ARFRP1: variants seen among roughly 807,000 people sequenced by gnomAD.
ARFRP1 encodes ARF related protein 1.
A neutral mutation model predicts 30.3 loss-of-function variants in ARFRP1; 19 were observed. The observed-to-expected ratio is 0.63, with a 90% confidence interval of 0.44 to 0.92. ARFRP1 has a LOEUF of 0.92. Among genes scored for constraint, ARFRP1 ranks in the 40% least tolerant of loss-of-function variants. The pLI is 0.00. For missense variants in ARFRP1, 245 were observed against 267.5 expected (o/e 0.92, Z 0.59); for synonymous variants, 133 against 114.2 (o/e 1.16, Z -1.05).
Position 63,706,750 on chromosome 20 carries a change from G to T in ARFRP1, c.94-12C>A, listed in dbSNP as rs758815273. ...TGCTCCAGGAAGGTCTGAGGAGAGA[G>T]GCAGAGGCGAAACACATCAAGGAGG... On this transcript the variant is annotated splice_polypyrimidine_tract_variant and intron_variant, in intron 2 of 7. Coordinates refer to ENST00000622789, the MANE Select transcript of ARFRP1 (RefSeq NM_001267547.3). The T allele has an allele frequency of 1.3e-6, 2 of 1,596,856 alleles. No individual in the cohort carries two copies. The highest frequency in any genetic ancestry group is 1.7e-6 in the Non-Finnish European group (2 of 1,164,456).
chr20:63,702,256 C>A, intron 4 of ARFRP1, 39 bp from the exon 5 acceptor site: 1 of 1,580,028 alleles, frequency 6.3e-7, no homozygotes, highest in East Asian at 2.2e-5. Context: ...CAGTCCCCAC[C>A]CTGCCAAGGG....
chr20:63,700,746 C>T, intron 6 of ARFRP1, 44 bp from the exon 7 acceptor site: 1 of 1,595,418 alleles, frequency 6.3e-7, no homozygotes, highest in Non-Finnish European at 8.5e-7. Flanking sequence ...ACGTCTGGCC[C>T]TGTCCTGCCT....
At chr20:63,702,044 G>T in intron 5 of ARFRP1, 92 bp downstream of exon 5, 1 of 949,424 alleles carries the variant, frequency 1.1e-6, no homozygotes, top group South Asian at 1.3e-5. Context: ...CTTCTGACCA[G>T]ACACTGAGCC....
chr20:63,702,126 C>T lies in ARFRP1; in HGVS notation c.346+10G>A, dbSNP rs748148346. On this transcript the variant is annotated intron_variant, in intron 5 of 7. Transcript: ENST00000622789. ...ATCCATCCCTCCCAGAGCAGCCAGG[C>T]CGCACTCACCAAACGCCTGCTTGGA... 264 of 1,609,662 alleles carry T rather than the reference C, an allele frequency of 1.6e-4. No individual in the cohort carries two copies. The highest frequency in any genetic ancestry group is 2.1e-4 in the Non-Finnish European group (242 of 1,179,108).
intron 4 of ARFRP1, chr20:63,703,728 T>G (rs1341919541): frequency 1.3e-5 from 2 of 152,240 alleles, no homozygotes; most frequent in Non-Finnish European, 2.9e-5. Flanking sequence ...AAGGTTCATG[T>G]GCAACCGGGT....
At position 63,700,087 on chromosome 20, in the gene ARFRP1, G is replaced by T; in HGVS notation, c.*356C>A. ...GGAGACAGCCACGGGGTCTCCCGAG[G>T]GTCCCACAGGGCTGTCCTCATGCAG... On this transcript the variant is annotated 3_prime_UTR_variant, in exon 8 of 8. Transcript: ENST00000622789. The T allele has an allele frequency of 3.0e-6, 1 of 332,946 alleles. No individual in the cohort carries two copies. 20.6% of individuals were successfully genotyped at this position (332,946 alleles called of 1,614,324 possible). A position where few individuals can be genotyped will look rare whatever the true frequency, so the allele number is the denominator to read the frequency against.
At chr20:63,706,260 G>T in intron 4 of ARFRP1, 97 bp downstream of exon 4, 1 of 1,138,804 alleles carries the variant, frequency 8.8e-7, no homozygotes, top group Non-Finnish European at 1.3e-6. Flanking sequence ...GGACAGAGTG[G>T]GTAAGGAAAA....
chr20:63,707,318 G>T lies in ARFRP1; in HGVS notation c.-6-221C>A. On this transcript the variant is annotated intron_variant, in intron 1 of 7. Coordinates refer to ENST00000622789, the MANE Select transcript of ARFRP1 (RefSeq NM_001267547.3). The stretch of plus-strand genomic sequence containing the variant: ...TCACAGCAATGACTGCGACCTCTCC[G>T]CATACACATCGGTTCCGGCCCCTCC... The T allele has an allele frequency of 1.3e-5, 7 of 545,336 alleles. 1 individual carries two copies. In the South Asian group the frequency reaches 1.6e-4, roughly 12 times the overall value. The allele number at this position is 545,336 out of a possible 1,614,324, so 33.8% of individuals were successfully genotyped here.
intron 4 of ARFRP1, chr20:63,705,708 G>A (rs868633268): frequency 1.9e-6 from 1 of 533,234 alleles, no homozygotes; most frequent in Non-Finnish European, 3.8e-6. Context: ...GTGGTGGTCA[G>A]CAGCAAGGTC....
intron 1 of ARFRP1, chr20:63,707,430 C>A: frequency 4.3e-6 from 1 of 230,010 alleles, no homozygotes; most frequent in East Asian, 1.0e-4. Flanking sequence ...CCACGCTTCA[C>A]GCGCGCGGAA....
rs758255944 is a variant in ARFRP1, at chr20:63,702,184, T to A, written c.298A>T (p.Ile100Phe). The A allele has an allele frequency of 6.2e-7, 1 of 1,611,898 alleles. No homozygotes were observed. Among genetic ancestry groups the A allele is most frequent in the Admixed American group, 1.7e-5 (1 of 59,982 alleles). The change falls in exon 5 of 8, where the codon ATT (isoleucine) becomes TTT (phenylalanine). Residue 100 changes from isoleucine (I) to phenylalanine (F), a missense_variant. Coordinates refer to ENST00000622789, the MANE Select transcript of ARFRP1 (RefSeq NM_001267547.3). Reference protein sequence around the residue: ...YAECHGVIYVIDSTDEERLAE... With the variant: ...YAECHGVIYVFDSTDEERLAE... ...AGCCTCTCCTCGTCGGTGGAGTCAA[T>A]GACGTAGATGACGCCGTGACACTCC...
At position 63,701,749 on chromosome 20, in the gene ARFRP1, C is replaced by T. The variant is rs1601242333; in HGVS notation, c.417+81G>A. 4 of 1,346,232 alleles carry T rather than the reference C, an allele frequency of 3.0e-6. No homozygotes were observed. In the East Asian group the frequency reaches 1.0e-4, roughly 34 times the overall value. The allele number at this position is 1,346,232 out of a possible 1,614,324, so 83.4% of individuals were successfully genotyped here. On this transcript the variant is annotated intron_variant, in intron 6 of 7. Transcript: ENST00000622789. ...TGGGCAGTCACTGGGCCTGGGGTGT[C>T]TGGGTGCACACCTGCTCCCCTTGCT...
intron 6 of ARFRP1, 159 bp downstream of exon 6, chr20:63,701,671 G>A (rs1173761583): frequency 7.3e-6 from 5 of 688,748 alleles, no homozygotes; most frequent in South Asian, 5.5e-5. Flanking sequence ...GAGGAACCAG[G>A]CTTGGGAAGC....
intron 4 of ARFRP1, chr20:63,703,437 A>G (rs1286533562): frequency 2.0e-5 from 3 of 146,884 alleles, no homozygotes; most frequent in African/African-American, 7.5e-5. Flanking sequence ...AACTTCCCAC[A>G]GTGGAGAGGA....
Position 63,698,730 on chromosome 20 carries a change from G to A in ARFRP1, c.*1713C>T, listed in dbSNP as rs1411663219. On this transcript the variant is annotated 3_prime_UTR_variant, in exon 8 of 8. Coordinates refer to ENST00000622789, the MANE Select transcript of ARFRP1 (RefSeq NM_001267547.3). ...ACTGGGAGGGCAGCCGGGGACACCT[G>A]AGCCGCCCGCTGTGCCCAGATCCCT... is the stretch of plus-strand genomic sequence containing the variant. The A allele has an allele frequency of 1.2e-6, 1 of 817,594 alleles. No individual in the cohort carries two copies. The highest frequency in any genetic ancestry group is 1.7e-6 in the Non-Finnish European group (1 of 575,176). 50.6% of individuals were successfully genotyped at this position (817,594 alleles called of 1,614,324 possible). A position where few individuals can be genotyped will look rare whatever the true frequency, so the allele number is the denominator to read the frequency against.
intron 6 of ARFRP1, chr20:63,701,589 T>C (rs376511598): frequency 3.7e-5 from 22 of 592,792 alleles, no homozygotes; most frequent in African/African-American, 3.0e-4. Context: ...GTGCCCTGCA[T>C]AGCAGGAAGA....
intron 3 of ARFRP1, 104 bp downstream of exon 3, chr20:63,706,547 A>C: frequency 6.6e-7 from 1 of 1,519,870 alleles, no homozygotes; most frequent in Admixed American, 1.7e-5. Context: ...CTCAAATGAG[A>C]CTTGAGAGGG....
intron 5 of ARFRP1, 107 bp from the exon 6 acceptor site, chr20:63,702,007 C>CA (rs1026606806): frequency 1.4e-5 from 14 of 1,030,042 alleles, no homozygotes; most frequent in East Asian, 5.4e-5. Flanking sequence ...TGCCCCCCCC[C>CA]CCCCCGTCAC....
rs200743168 is a variant in ARFRP1, at chr20:63,700,653, C to G, written c.467G>C (p.Ser156Thr). The G allele has an allele frequency of 6.2e-7, 1 of 1,610,990 alleles. No individual in the cohort carries two copies. Among genetic ancestry groups the G allele is most frequent in the African/African-American group, 1.3e-5 (1 of 75,004 alleles). The change falls in exon 7 of 8, where the codon AGC becomes ACC. Residue 156 changes from serine (S) to threonine (T), a missense_variant. Ser to Thr is a moderately conservative substitution (Grantham distance 58, BLOSUM62 1). Coordinates refer to ENST00000622789, the MANE Select transcript of ARFRP1 (RefSeq NM_001267547.3). ...CAGGCAATCTCGCCTGCCGATCTTG[C>G]TGGTGCAGTCGCTGAAGGCCGTCTT... Reference protein sequence around the residue: ...DIKTAFSDCTSKIGRRDCLTQ... With the variant: ...DIKTAFSDCTTKIGRRDCLTQ...
Sources: gnomAD v4.1 joint callset for allele counts on GRCh38, gnomAD v4.1.1 for gene constraint, MANE v1.5 for transcripts, NCBI Gene and HGNC (gene_info 2026-07-23, HGNC 2026-07-21) for gene names.